Variants in BDNF observed in about 807,000 individuals in gnomAD.
The protein encoded by BDNF is neurotrophic factor BDNF precursor form.
BDNF carries 1 observed loss-of-function variant against 19.5 expected under a neutral mutation model. The ratio of observed to expected loss-of-function variants is 0.05; its 90% CI spans 0.02 to 0.24. The LOEUF is 0.24. BDNF is among the 10% of genes least tolerant of loss of function. The pLI, the probability that BDNF is intolerant of heterozygous loss-of-function variation, is 1.00. For missense variants in BDNF, 195 were observed against 317.6 expected (o/e 0.61, Z 2.93); for synonymous variants, 100 against 121.6 (o/e 0.82, Z 1.17).
intron 1 of BDNF, among the ~76,000 whole-genome samples, chr11:27,699,944 C>T (rs1372042432): frequency 6.6e-6 from 1 of 152,200 alleles, no homozygotes; most frequent in Non-Finnish European, 1.5e-5. Context: ...TCGTGACTTC[C>T]CCGGGTCCCT....
chr11:27,711,104 A>T (rs1860308459), intron 1 of BDNF, among the ~76,000 whole-genome samples: 1 of 152,212 alleles, frequency 6.6e-6, no homozygotes, highest in South Asian at 2.1e-4. Flanking sequence ...CATTAGACAG[A>T]CCTAGGTTTG....
intron 1 of BDNF, chr11:27,720,593 C>T (rs1590513586): frequency 1.0e-6 from 1 of 985,526 alleles, no homozygotes; most frequent in Non-Finnish European, 1.2e-6. Flanking sequence ...AGAAAAGACG[C>T]TTTTTAAGGG....
intron 1 of BDNF, among the ~76,000 whole-genome samples, chr11:27,668,377 A>C (rs1328283664): frequency 6.6e-6 from 1 of 152,190 alleles, no homozygotes; most frequent in Non-Finnish European, 1.5e-5. Context: ...AAACACATTC[A>C]AAAGCTAGCA....
At chr11:27,686,824 C>T (rs918395503) in intron 1 of BDNF, among the ~76,000 whole-genome samples, 4 of 152,084 alleles carry the variant, frequency 2.6e-5, no homozygotes, top group Admixed American at 6.6e-5. Context: ...CTTTCTCTCT[C>T]GCTGCCCTTA....
At chr11:27,702,847 A>T (rs900963409), upstream of BDNF, among the ~76,000 whole-genome samples, 2 of 152,208 alleles carry the variant, frequency 1.3e-5, no homozygotes, top group Non-Finnish European at 2.9e-5. Context: ...CAGGGACAAG[A>T]CTTCAGTGAA....
intron 1 of BDNF, among the ~76,000 whole-genome samples, chr11:27,678,129 T>G (rs1048324416): frequency 6.6e-6 from 1 of 152,162 alleles, no homozygotes; most frequent in Non-Finnish European, 1.5e-5. Flanking sequence ...ATTAGACAAA[T>G]TCATGGGTGA....
chr11:27,682,164 A>G lies in BDNF; in HGVS notation c.-22+18000T>C, dbSNP rs556059136. On this transcript the variant is annotated intron_variant, in intron 1 of 1. Transcript: ENST00000356660. ...GATAAGTCTCTCTAAATCACAGGATATTCAGTTTATTTGATTTTAGTTCAG... is the reference window on the plus strand; with the variant it reads ...GATAAGTCTCTCTAAATCACAGGATGTTCAGTTTATTTGATTTTAGTTCAG... 2.4e-4 allele frequency among the ~76,000 whole-genome samples: 36 copies of G among 152,212 alleles called. 3 individuals carry two copies. The South Asian group carries it at 7.5e-3, about 32-fold the overall frequency.
intron 1 of BDNF, chr11:27,659,662 TGC>T: frequency 9.2e-6 from 9 of 973,476 alleles, no homozygotes; most frequent in Non-Finnish European, 1.1e-5. Context: ...CGCGCGCGTG[TGC>T]GCGCGCTCTG....
chr11:27,700,939 G>C, upstream of BDNF: 2 of 1,349,256 alleles, frequency 1.5e-6, no homozygotes, highest in Non-Finnish European at 2.0e-6. Flanking sequence ...TTCTCTGGGA[G>C]AGGGCGTGCG....
chr11:27,714,211 G>C (rs956572041), intron 1 of BDNF, among the ~76,000 whole-genome samples: 5 of 152,074 alleles, frequency 3.3e-5, no homozygotes, highest in Non-Finnish European at 5.9e-5. Flanking sequence ...TCTCCACCAG[G>C]CTGAGTTAGT....
At chr11:27,700,098 C>T in intron 1 of BDNF, 66 bp downstream of exon 1, 11 of 985,996 alleles carry the variant, frequency 1.1e-5, no homozygotes, top group Non-Finnish European at 1.3e-5. Context: ...TGGGGGATCC[C>T]CCAGTCAACT....
At chr11:27,666,420 T>A (rs768089403) in intron 1 of BDNF, among the ~76,000 whole-genome samples, 50 of 152,336 alleles carry the variant, frequency 3.3e-4, no homozygotes, top group Non-Finnish European at 5.4e-4. Flanking sequence ...GGACAGAGAA[T>A]GACTTTCACA....
chr11:27,695,252 G>A (rs905569131), intron 1 of BDNF, among the ~76,000 whole-genome samples: 11 of 151,402 alleles, frequency 7.3e-5, no homozygotes, highest in African/African-American at 2.4e-4. Flanking sequence ...GGAACTGCCC[G>A]TTTATTTTCT....
intron 1 of BDNF, among the ~76,000 whole-genome samples, chr11:27,670,702 C>T (rs910447611): frequency 6.6e-6 from 1 of 152,192 alleles, no homozygotes; most frequent in Non-Finnish European, 1.5e-5. Flanking sequence ...ATCAAAACCA[C>T]AATGAGATAC....
chr11:27,701,611 C>G, upstream of BDNF: 1 of 986,606 alleles, frequency 1.0e-6, no homozygotes, highest in Non-Finnish European at 1.2e-6. Context: ...GCAGCCCTCT[C>G]CGCGGTGAAT....
chr11:27,709,648 TCAGTTTCTG>T (rs1860247810), intron 1 of BDNF, among the ~76,000 whole-genome samples: 3 of 152,330 alleles, frequency 2.0e-5, no homozygotes, highest in African/African-American at 7.2e-5. Flanking sequence ...TTTAAAACTG[TCAGTTTCTG>T]GCCATGTAAC....
At chr11:27,696,846 T>C (rs1307616200) in intron 1 of BDNF, among the ~76,000 whole-genome samples, 1 of 152,208 alleles carries the variant, frequency 6.6e-6, no homozygotes, top group Non-Finnish European at 1.5e-5. Flanking sequence ...ATCCATATTA[T>C]GGGCACCTGA....
At position 27,697,164 on chromosome 11, in the gene BDNF, CAGAGAG is replaced by C. The variant is rs72348822; in HGVS notation, c.-22+2994_-22+2999del. On this transcript the variant is annotated intron_variant, in intron 1 of 1. Transcript: ENST00000356660. ...GCACGCACACACACACACACACACA[CAGAGAG>C]AGAGAGAGAGAGAGAGAGAGAGAGA... 3.6e-3 allele frequency among the ~76,000 whole-genome samples: 475 copies of C among 133,078 alleles called. 1 individual carries two copies. The highest frequency in any genetic ancestry group is 5.1e-3 in the South Asian group (17 of 3,358). 87.3% of individuals were successfully genotyped at this position (133,078 alleles called of 152,430 possible). A position where few individuals can be genotyped will look rare whatever the true frequency, so the allele number is the denominator to read the frequency against.
chr11:27,680,627 C>T (rs1856732325), intron 1 of BDNF, among the ~76,000 whole-genome samples: 1 of 152,070 alleles, frequency 6.6e-6, no homozygotes, highest in Non-Finnish European at 1.5e-5. Flanking sequence ...TATGTATGTG[C>T]CCAGCAGTCT....
Sources: gnomAD v4.1 joint callset for allele counts (sites outside exome capture counted in the v4.1 genomes callset) on GRCh38, gnomAD v4.1.1 for gene constraint, MANE v1.5 for transcripts, NCBI Gene and HGNC (gene_info 2026-07-23, HGNC 2026-07-21) for gene names.